RASSF3: variants seen among roughly 807,000 people sequenced by gnomAD.
The protein encoded by RASSF3 is ras association domain-containing protein 3.
RASSF3 carries 19 observed loss-of-function variants against 19.9 expected under a neutral mutation model. That is an observed-to-expected ratio of 0.96 (90% CI 0.67 to 1.40). The LOEUF is 1.40. Among genes scored for constraint, RASSF3 ranks in the 40% most tolerant of loss-of-function variants. The pLI is 0.00. For missense variants in RASSF3, 306 were observed against 289.8 expected (o/e 1.06, Z -0.41); for synonymous variants, 110 against 104.2 (o/e 1.06, Z -0.34).
chr12:64,578,112 A>G (rs960126227), intron 2 of RASSF3, among the ~76,000 whole-genome samples: 3 of 151,858 alleles, frequency 2.0e-5, no homozygotes, highest in African/African-American at 7.3e-5. Context: ...TGTCCCAGCT[A>G]CTCGGGAGGC....
At chr12:64,562,947 A>G (rs1869372005) in intron 2 of RASSF3, among the ~76,000 whole-genome samples, 1 of 151,810 alleles carries the variant, frequency 6.6e-6, no homozygotes, top group Non-Finnish European at 1.5e-5. Context: ...TCTTTTTCTT[A>G]CACCCCAAAT....
Position 64,696,905 on chromosome 12 carries a change from TTTA to T in RASSF3, c.*1999_*2001del, listed in dbSNP as rs566508557. ...TGCCTTCGTGATTTTTTGTACTGGT[TTTA>T]TTATTCAGACTATGGCCTGGATTTG... On this transcript the variant is annotated 3_prime_UTR_variant, in exon 5 of 5. Transcript: ENST00000542104. 58 of 152,310 alleles carry T rather than the reference TTTA, an allele frequency of 3.8e-4. No individual in the cohort carries two copies. The highest frequency in any genetic ancestry group is 1.4e-3 in the African/African-American group (57 of 41,576). 9.4% of individuals were successfully genotyped at this position (152,310 alleles called of 1,614,324 possible).
At chr12:64,542,781 G>A (rs1472320761), downstream of RASSF3, among the ~76,000 whole-genome samples, 1 of 152,182 alleles carries the variant, frequency 6.6e-6, no homozygotes, top group Non-Finnish European at 1.5e-5. Context: ...CATGCTGGCA[G>A]CCCTCGCTCG....
intron 1 of RASSF3, among the ~76,000 whole-genome samples, chr12:64,618,031 GT>G (rs1272126387): frequency 6.6e-6 from 1 of 152,140 alleles, no homozygotes; most frequent in Non-Finnish European, 1.5e-5. Context: ...AACCAAACTG[GT>G]TAATTCACCA....
At chr12:64,691,296 A>C (rs903275680) in intron 3 of RASSF3, among the ~76,000 whole-genome samples, 174 bp from the exon 4 acceptor site, 1 of 152,252 alleles carries the variant, frequency 6.6e-6, no homozygotes, top group African/African-American at 2.4e-5. Context: ...GAAACAGAAT[A>C]GATTTTATTC....
intron 2 of RASSF3, among the ~76,000 whole-genome samples, chr12:64,551,612 A>G (rs1450179552): frequency 6.6e-6 from 1 of 152,200 alleles, no homozygotes; most frequent in South Asian, 2.1e-4. Flanking sequence ...AATCATGTCT[A>G]CTACTTAGCA....
chr12:64,577,975 T>C (rs1869623568), intron 2 of RASSF3, among the ~76,000 whole-genome samples: 1 of 151,990 alleles, frequency 6.6e-6, no homozygotes, highest in Admixed American at 6.6e-5. Flanking sequence ...TCCCAGCACT[T>C]TGGGAGGCCG....
At chr12:64,683,993 A>G (rs1873232437) in intron 1 of RASSF3, among the ~76,000 whole-genome samples, 1 of 93,238 alleles carries the variant, frequency 1.1e-5, no homozygotes, top group South Asian at 4.7e-4. Flanking sequence ...AGAGAAGGAG[A>G]GAGAGAGAGA....
intron 3 of RASSF3, among the ~76,000 whole-genome samples, chr12:64,691,095 C>G (rs1868272598): frequency 6.6e-6 from 1 of 152,056 alleles, no homozygotes; most frequent in Non-Finnish European, 1.5e-5. Flanking sequence ...CTGCTGGCCT[C>G]AGGTGACCCG....
At chr12:64,693,426 TTC>T (rs1329676961) in intron 4 of RASSF3, among the ~76,000 whole-genome samples, 1 of 151,924 alleles carries the variant, frequency 6.6e-6, no homozygotes, top group Non-Finnish European at 1.5e-5. Flanking sequence ...TTTTTTTTTT[TTC>T]TTTTTAAAGA....
intron 1 of RASSF3, among the ~76,000 whole-genome samples, chr12:64,675,141 C>T (rs1039006207): frequency 7.1e-5 from 10 of 140,534 alleles, no homozygotes; most frequent in Middle Eastern, 3.8e-3. Flanking sequence ...ATGGGGATTG[C>T]GTGTGCTAAT....
intron 1 of RASSF3, among the ~76,000 whole-genome samples, chr12:64,672,469 A>G (rs1236779146): frequency 1.3e-5 from 2 of 151,964 alleles, no homozygotes; most frequent in Non-Finnish European, 2.9e-5. Flanking sequence ...CAGATGTTCC[A>G]CCCACCTCGG....
intron 1 of RASSF3, among the ~76,000 whole-genome samples, chr12:64,636,128 T>A (rs553751415): frequency 7.9e-5 from 12 of 152,064 alleles, no homozygotes; most frequent in Admixed American, 1.3e-4. Flanking sequence ...CGGTTTTTTT[T>A]TTTTCTGATA....
chr12:64,682,247 A>G (rs1172601327), intron 1 of RASSF3, among the ~76,000 whole-genome samples: 6 of 152,146 alleles, frequency 3.9e-5, no homozygotes, highest in Non-Finnish European at 5.9e-5. Flanking sequence ...AGACTTCACC[A>G]GGATGGTGCT....
chr12:64,547,292 G>T (rs1388028580), intron 2 of RASSF3, among the ~76,000 whole-genome samples: 2 of 149,136 alleles, frequency 1.3e-5, no homozygotes, highest in Admixed American at 6.7e-5. Context: ...AAAAAGCCAG[G>T]CACGGTGACT....
chr12:64,534,301 A>G (rs1425766715), intron 1 of RASSF3, among the ~76,000 whole-genome samples: 1 of 152,046 alleles, frequency 6.6e-6, no homozygotes, highest in Admixed American at 6.6e-5. Context: ...CAACATAGGG[A>G]GACCCCATTT....
downstream of RASSF3, among the ~76,000 whole-genome samples, chr12:64,544,089 G>A (rs1230709858): frequency 6.6e-5 from 10 of 152,038 alleles, no homozygotes; most frequent in East Asian, 3.9e-4. Flanking sequence ...TGGGGGTCCC[G>A]TTCCGCACAG....
intron 1 of RASSF3, among the ~76,000 whole-genome samples, chr12:64,518,604 A>T (rs1253830061): frequency 6.6e-6 from 1 of 152,232 alleles, no homozygotes; most frequent in Non-Finnish European, 1.5e-5. Context: ...TTTGAAGGGG[A>T]CAAACATGCA....
rs190099613 is a variant in RASSF3 at position 64,672,129 on chromosome 12, T to C, written c.112-12658T>C. On this transcript the variant is annotated intron_variant, in intron 1 of 4. Transcript: ENST00000542104. ...TACATAAGATTTTTTGATACAGGCATATAATAATCATATCAGAGTAATATC... is the reference window on the plus strand; with the variant it reads ...TACATAAGATTTTTTGATACAGGCACATAATAATCATATCAGAGTAATATC... Among the ~76,000 whole-genome samples the C allele has an allele frequency of 9.7e-4, 148 of 152,350 alleles. 1 individual carries two copies. The highest frequency in any genetic ancestry group is 3.4e-3 in the African/African-American group (140 of 41,564).
Sources: allele counts gnomAD v4.1 joint callset (sites outside exome capture counted in the v4.1 genomes callset), GRCh38; gene constraint gnomAD v4.1.1; transcripts MANE v1.5; gene names NCBI Gene and HGNC (gene_info 2026-07-23, HGNC 2026-07-21).